The following CSPP1 variants were observed in gnomAD, a reference collection of about 807,000 sequenced individuals.
The protein encoded by CSPP1 is centrosome and spindle pole-associated protein 1.
Under a neutral mutation model 164.4 loss-of-function variants are expected in CSPP1, and 126 were observed. The observed-to-expected ratio is 0.77, with a 90% CI of 0.66 to 0.89. The LOEUF (loss-of-function observed/expected upper bound fraction) is 0.89, where lower values mean the gene tolerates loss of function less well. Ranked by LOEUF, CSPP1 falls within the 40% of genes least tolerant of loss-of-function variation. CSPP1 has a pLI of 0.00. For synonymous variants in CSPP1, 472 were observed against 476.7 expected (o/e 0.99, Z 0.13); for missense variants, 1,395 against 1,449.8 (o/e 0.96, Z 0.61).
chr8:67,076,864 TGAGA>T (rs150167534), intron 3 of CSPP1, among the ~76,000 whole-genome samples: 9 of 151,670 alleles, frequency 5.9e-5, no homozygotes, highest in Admixed American at 3.3e-4. Context: ...TTTGTGTGTG[TGAGA>T]GAGAGAGAGA....
At chr8:67,188,917 A>G (rs976367116) in intron 28 of CSPP1, among the ~76,000 whole-genome samples, 1 of 152,350 alleles carries the variant, frequency 6.6e-6, no homozygotes, top group Middle Eastern at 3.4e-3. Context: ...GCATGGCCCA[A>G]GATTCCATTC....
chr8:67,159,425 A>G (rs942117363), intron 21 of CSPP1, among the ~76,000 whole-genome samples: 3 of 151,450 alleles, frequency 2.0e-5, no homozygotes, highest in African/African-American at 7.3e-5. Flanking sequence ...GTCTGCAGAC[A>G]GTACAACATG....
intron 15 of CSPP1, among the ~76,000 whole-genome samples, chr8:67,121,561 A>C (rs1306032470): frequency 6.6e-6 from 1 of 151,812 alleles, no homozygotes; most frequent in Non-Finnish European, 1.5e-5. Context: ...ATGCTGCTGG[A>C]TTTGGTTTGC....
intron 9 of CSPP1, among the ~76,000 whole-genome samples, 158 bp from the exon 10 acceptor site, chr8:67,111,814 T>G (rs1816904228): frequency 6.7e-6 from 1 of 149,290 alleles, no homozygotes; most frequent in Non-Finnish European, 1.5e-5. Context: ...ACAAAAGAAA[T>G]TGAAGAAGGA....
In CSPP1 at chr8:67,195,632, GAAAGGAAT is replaced by G; in HGVS notation, c.*40_*47del. On this transcript the variant is annotated 3_prime_UTR_variant, in exon 31 of 31. Coordinates refer to ENST00000678616, the MANE Select transcript of CSPP1 (RefSeq NM_001382391.1). ...TGGACCCAGTAGTGCCTTTTAAGGTGAAAGGAATGGTAAATCTGTACCTTTAATATGTC... is the reference window on the plus strand; with the variant it reads ...TGGACCCAGTAGTGCCTTTTAAGGTGGGTAAATCTGTACCTTTAATATGTC... The G allele has an allele frequency of 6.4e-7, 1 of 1,558,000 alleles. No individual in the cohort carries two copies. Among genetic ancestry groups the G allele is most frequent in the Non-Finnish European group, 8.8e-7 (1 of 1,132,410 alleles).
At chr8:67,097,024 TTTC>T (rs1812949451) in intron 7 of CSPP1, among the ~76,000 whole-genome samples, 5 of 152,232 alleles carry the variant, frequency 3.3e-5, no homozygotes, top group Admixed American at 3.3e-4. Context: ...CTATTTATAA[TTTC>T]TTAACTGCTA....
intron 7 of CSPP1, among the ~76,000 whole-genome samples, chr8:67,101,611 A>G (rs1201745605): frequency 6.6e-6 from 1 of 152,224 alleles, no homozygotes; most frequent in Non-Finnish European, 1.5e-5. Flanking sequence ...GATCGATTAA[A>G]AAATGGAAGC....
chr8:67,160,692 GATATAT>G (rs988178967), intron 21 of CSPP1, among the ~76,000 whole-genome samples: 1 of 150,514 alleles, frequency 6.6e-6, no homozygotes, highest in Non-Finnish European at 1.5e-5. Flanking sequence ...ATGTATGTCT[GATATAT>G]ATATATATTT....
At chr8:67,133,019 A>G (rs1821548365) in intron 16 of CSPP1, among the ~76,000 whole-genome samples, 1 of 152,162 alleles carries the variant, frequency 6.6e-6, no homozygotes, top group Non-Finnish European at 1.5e-5. Flanking sequence ...AGAATTACCA[A>G]CCTTTTTTGT....
At chr8:67,112,196 T>A in intron 10 of CSPP1, 131 bp downstream of exon 10, 1 of 459,984 alleles carries the variant, frequency 2.2e-6, no homozygotes, top group Non-Finnish European at 3.9e-6. Flanking sequence ...TTTTCATCTC[T>A]ACATGCTAAA....
intron 17 of CSPP1, among the ~76,000 whole-genome samples, chr8:67,141,280 G>T (rs1364411587): frequency 1.3e-5 from 2 of 152,094 alleles, no homozygotes; most frequent in East Asian, 1.9e-4. Context: ...TGAGCATGGA[G>T]AAAATGTTTC....
At chr8:67,123,894 G>A (rs1442546331) in intron 15 of CSPP1, among the ~76,000 whole-genome samples, 6 of 150,140 alleles carry the variant, frequency 4.0e-5, no homozygotes, top group Non-Finnish European at 5.9e-5. Flanking sequence ...ATGAGCCACC[G>A]CGGCCAGGCT....
rs2129545455 is a variant in CSPP1 at position 67,095,333 on chromosome 8, A to C, written c.524A>C (p.Lys175Thr). ...AATAAAAAACCTATTGGTCAAGTTA[A>C]GCCTGATCTAACTTCACAAATACAG... ...QRNKKPIGQV[K>T]PDLTSQIQTS... Residue 175 changes from lysine (K) to threonine (T), a missense_variant, in exon 7 of 31, where the codon AAG (lysine) becomes ACG (threonine). Coordinates refer to ENST00000678616, the MANE Select transcript of CSPP1 (RefSeq NM_001382391.1). The C allele has an allele frequency of 6.3e-7, 1 of 1,597,138 alleles. No individual in the cohort carries two copies. The highest frequency in any genetic ancestry group is 1.4e-5 in the African/African-American group (1 of 73,610).
chr8:67,093,833 T>A (rs1039980969), intron 6 of CSPP1, among the ~76,000 whole-genome samples, 192 bp downstream of exon 6: 1 of 152,162 alleles, frequency 6.6e-6, no homozygotes, highest in African/African-American at 2.4e-5. Flanking sequence ...ATTGAAGAAC[T>A]TTTAACATTT....
chr8:67,186,666 A>G (rs1834696875), intron 28 of CSPP1, among the ~76,000 whole-genome samples: 1 of 152,208 alleles, frequency 6.6e-6, no homozygotes, highest in Non-Finnish European at 1.5e-5. Context: ...TGGAAGTCCT[A>G]GCTTAATATT....
At chr8:67,140,061 G>A (rs1403008089) in intron 17 of CSPP1, among the ~76,000 whole-genome samples, 1 of 151,950 alleles carries the variant, frequency 6.6e-6, no homozygotes, top group Non-Finnish European at 1.5e-5. Context: ...ATATATTTGA[G>A]GCCCACTTTA....
intron 17 of CSPP1, among the ~76,000 whole-genome samples, chr8:67,140,112 T>A (rs1184822137): frequency 1.3e-5 from 2 of 151,954 alleles, no homozygotes; most frequent in Admixed American, 6.6e-5. Context: ...CGAGACAGAG[T>A]TTCACTCTGT....
intron 3 of CSPP1, among the ~76,000 whole-genome samples, chr8:67,078,528 A>G (rs1221859483): frequency 6.6e-6 from 1 of 151,804 alleles, no homozygotes; most frequent in African/African-American, 2.4e-5. Context: ...TTATATACAT[A>G]TATTTTCTGT....
At chr8:67,119,728 G>T (rs1818620598) in intron 15 of CSPP1, among the ~76,000 whole-genome samples, 1 of 151,914 alleles carries the variant, frequency 6.6e-6, no homozygotes, top group Non-Finnish European at 1.5e-5. Context: ...TCCCATTTTT[G>T]AATTAGGTTG....
Sources: allele counts gnomAD v4.1 joint callset (sites outside exome capture counted in the v4.1 genomes callset), GRCh38; gene constraint gnomAD v4.1.1; transcripts MANE v1.5; gene names NCBI Gene and HGNC (gene_info 2026-07-23, HGNC 2026-07-21).